SLC14A2: variants seen among roughly 807,000 people sequenced by gnomAD.
SLC14A2 encodes the protein urea transporter 2.
In SLC14A2, 91 loss-of-function variants were observed where a neutral mutation model predicts 104.6. That is an observed-to-expected ratio of 0.87 (90% confidence interval 0.73 to 1.04). The LOEUF (loss-of-function observed/expected upper bound fraction) is 1.04, where lower values mean the gene tolerates loss of function less well. Among genes scored for constraint, SLC14A2 ranks in the 50% least tolerant of loss-of-function variants. The pLI, the probability that SLC14A2 is intolerant of heterozygous loss-of-function variation, is 0.00. For synonymous variants in SLC14A2, 476 were observed against 466.4 expected (o/e 1.02, Z -0.27); for missense variants, 1,189 against 1,156.0 (o/e 1.03, Z -0.41).
chr18:45,606,735 A>T (rs888015536), intron 2 of SLC14A2, among the ~76,000 whole-genome samples: 3 of 58,998 alleles, frequency 5.1e-5, no homozygotes, highest in African/African-American at 2.4e-4. Flanking sequence ...AAGTCTAATT[A>T]AAAAAAAAAA....
upstream of SLC14A2, among the ~76,000 whole-genome samples, chr18:45,612,625 G>A (rs2044991045): frequency 6.6e-6 from 1 of 152,264 alleles, no homozygotes; most frequent in Non-Finnish European, 1.5e-5. Context: ...CAGATGGGAT[G>A]AGAAAACCAA....
At chr18:45,497,867 C>A (rs1425215781) in intron 2 of SLC14A2, among the ~76,000 whole-genome samples, 1 of 152,166 alleles carries the variant, frequency 6.6e-6, no homozygotes, top group Non-Finnish European at 1.5e-5. Flanking sequence ...GGAAGCTGTC[C>A]GTGCAATCTG....
At chr18:45,339,990 A>G (rs1283915147) in intron 1 of SLC14A2, among the ~76,000 whole-genome samples, 2 of 152,242 alleles carry the variant, frequency 1.3e-5, no homozygotes, top group Non-Finnish European at 2.9e-5. Context: ...GCATTTGAAG[A>G]TGACTCATCC....
intron 1 of SLC14A2, among the ~76,000 whole-genome samples, chr18:45,317,508 C>G (rs965374754): frequency 3.3e-5 from 5 of 152,070 alleles, no homozygotes; most frequent in African/African-American, 9.7e-5. Flanking sequence ...ATAACAGGAG[C>G]CTGTTTTAGA....
intron 1 of SLC14A2, among the ~76,000 whole-genome samples, chr18:45,299,970 T>C (rs1343015661): frequency 1.3e-5 from 2 of 152,226 alleles, no homozygotes; most frequent in Admixed American, 6.5e-5. Context: ...TTTTAGTTAT[T>C]TGGCTGGTAA....
chr18:45,367,794 C>T (rs1183985793), intron 1 of SLC14A2, among the ~76,000 whole-genome samples: 1 of 152,064 alleles, frequency 6.6e-6, no homozygotes, highest in Admixed American at 6.5e-5. Flanking sequence ...TCTTCCTTCC[C>T]AGGGCTCTGT....
At chr18:45,276,250 G>A (rs2084701241) in intron 1 of SLC14A2, among the ~76,000 whole-genome samples, 1 of 152,166 alleles carries the variant, frequency 6.6e-6, no homozygotes, top group Non-Finnish European at 1.5e-5. Flanking sequence ...TATTCCTTTA[G>A]CAAGTTCACT....
intron 2 of SLC14A2, among the ~76,000 whole-genome samples, chr18:45,487,643 C>T (rs146366894): frequency 4.9e-4 from 74 of 152,196 alleles, no homozygotes; most frequent in Admixed American, 1.4e-3. Flanking sequence ...AGAGGGCTTT[C>T]GGGATCAGCC....
chr18:45,432,405 T>C (rs189951901), intron 1 of SLC14A2, among the ~76,000 whole-genome samples: 2 of 152,300 alleles, frequency 1.3e-5, no homozygotes, highest in East Asian at 3.9e-4. Context: ...AGGTGATTAA[T>C]TAACAATTGG....
chr18:45,489,313 C>G (rs192334293), intron 2 of SLC14A2, among the ~76,000 whole-genome samples: 24 of 152,132 alleles, frequency 1.6e-4, no homozygotes, highest in African/African-American at 5.6e-4. Flanking sequence ...GAGTTCAAGA[C>G]CAGCCTGGCC....
At chr18:45,407,733 T>G (rs6507615) in intron 1 of SLC14A2, among the ~76,000 whole-genome samples, 89,027 of 151,968 alleles carry the variant, frequency 0.59, 26,229 homozygotes, top group Admixed American at 0.64. Flanking sequence ...CTGTTGTATC[T>G]CAGGGATTAA....
chr18:45,504,929 C>A (rs141385755), intron 2 of SLC14A2, among the ~76,000 whole-genome samples: 1 of 152,004 alleles, frequency 6.6e-6, no homozygotes, highest in South Asian at 2.1e-4. Context: ...AATAAGGCAC[C>A]CTTTCAAATA....
chr18:45,666,275 G>T, intron 12 of SLC14A2, 56 bp downstream of exon 12: 1 of 1,166,932 alleles, frequency 8.6e-7, no homozygotes, highest in Non-Finnish European at 1.3e-6. Flanking sequence ...AGAGCCCACA[G>T]CAGATGAGGG....
chr18:45,571,330 C>T (rs1017038492), intron 2 of SLC14A2, among the ~76,000 whole-genome samples: 1 of 152,262 alleles, frequency 6.6e-6, no homozygotes, highest in African/African-American at 2.4e-5. Context: ...TTGCTCCCAG[C>T]TGGCTTTCTT....
rs144033622 is a variant in SLC14A2 at position 45,435,482 on chromosome 18, A to G, written c.-124-47751A>G. On this transcript the variant is annotated intron_variant, in intron 1 of 20. Transcript: ENST00000586448. ...CTAGTATTATAATATCACACACACC[A>G]AAATTTTAAGTTGCAGGATGGCTCT... Among the ~76,000 whole-genome samples the G allele has an allele frequency of 2.4e-3, 365 of 152,332 alleles. 1 individual carries two copies. The highest frequency in any genetic ancestry group is 8.0e-3 in the African/African-American group (334 of 41,580).
chr18:45,643,922 A>G (rs941477698), intron 9 of SLC14A2, 64 bp from the exon 10 acceptor site: 1 of 1,440,400 alleles, frequency 6.9e-7, no homozygotes, highest in Non-Finnish European at 9.6e-7. Context: ...CTTCTCCCCC[A>G]GAGTCCCCAG....
At chr18:45,554,928 T>C (rs57704100) in intron 2 of SLC14A2, among the ~76,000 whole-genome samples, 1,964 of 152,336 alleles carry the variant, frequency 0.013, 46 homozygotes, top group African/African-American at 0.045. Context: ...TTAGTAAGAC[T>C]ATTCCCCATC....
At chr18:45,194,461 T>C in the SLC14A2 span, among the ~76,000 whole-genome samples, 1 of 152,146 alleles carries the variant, frequency 6.6e-6, no homozygotes, top group African/African-American at 2.4e-5. Context: ...TGCTCATTCG[T>C]TTAGATTTTA....
intron 2 of SLC14A2, among the ~76,000 whole-genome samples, chr18:45,605,564 A>G (rs1189911457): frequency 1.3e-5 from 2 of 152,220 alleles, no homozygotes; most frequent in Admixed American, 6.5e-5. Flanking sequence ...GGATGCACAG[A>G]TAACAGGAGA....
Sources: gnomAD v4.1 joint callset for allele counts (sites outside exome capture counted in the v4.1 genomes callset) on GRCh38, gnomAD v4.1.1 for gene constraint, MANE v1.5 for transcripts, NCBI Gene and HGNC (gene_info 2026-07-23, HGNC 2026-07-21) for gene names.